SWT1: variants seen among roughly 807,000 people sequenced by gnomAD.
SWT1 encodes SWT1 RNA endoribonuclease homolog, also known as transcriptional protein SWT1.
A neutral mutation model predicts 107.3 loss-of-function variants in SWT1; 33 were observed. The ratio of observed to expected loss-of-function variants is 0.31; its 90% CI spans 0.23 to 0.41. The LOEUF is 0.41. SWT1 is among the 10% of genes least tolerant of loss of function. SWT1 has a pLI of 1.00. For missense variants in SWT1, 898 were observed against 1,028.9 expected (o/e 0.87, Z 1.74); for synonymous variants, 345 against 348.3 (o/e 0.99, Z 0.11).
chr1:185,261,656 A>G (rs1336842978), intron 16 of SWT1, among the ~76,000 whole-genome samples: 2 of 142,266 alleles, frequency 1.4e-5, no homozygotes, highest in African/African-American at 5.5e-5. Flanking sequence ...ATCCTCACCA[A>G]TGCCTGTGAT....
intron 1 of SWT1, 23 bp from the exon 2 acceptor site, chr1:185,160,810 T>A: frequency 6.4e-7 from 1 of 1,553,426 alleles, no homozygotes; most frequent in Non-Finnish European, 8.8e-7. Context: ...AAACAAATCC[T>A]ATATTTTTAA....
In SWT1 at chr1:185,187,065, TTTTTTTTA is replaced by T. The variant is rs796454038; in HGVS notation, c.1429+2135_1429+2142del. ...CCACCGCGCCCAGCTTTTTTTTTTT[TTTTTTTTA>T]AAAGAGTCTTCGTTTGTCACCCAGG... On this transcript the variant is annotated intron_variant, in intron 9 of 18. Coordinates refer to ENST00000367500, the MANE Select transcript of SWT1 (RefSeq NM_017673.7). 1.4e-3 allele frequency among the ~76,000 whole-genome samples: 207 copies of T among 149,726 alleles called. 1 individual carries two copies. Among genetic ancestry groups the T allele is most frequent in the African/African-American group, 4.9e-3 (198 of 40,658 alleles).
At chr1:185,228,177 A>G (rs1660228280) in intron 15 of SWT1, among the ~76,000 whole-genome samples, 2 of 139,526 alleles carry the variant, frequency 1.4e-5, no homozygotes, top group South Asian at 4.4e-4. Flanking sequence ...GTGTATATAT[A>G]TATATATATA....
intron 4 of SWT1, 69 bp from the exon 5 acceptor site, chr1:185,174,302 TA>T: frequency 7.9e-7 from 1 of 1,258,480 alleles, no homozygotes. Flanking sequence ...TCTGTTATTC[TA>T]ACTAAAATGA....
intron 5 of SWT1, among the ~76,000 whole-genome samples, chr1:185,178,983 GTGTT>G (rs1655802997): frequency 6.6e-6 from 1 of 152,128 alleles, no homozygotes; most frequent in South Asian, 2.1e-4. Context: ...TGTTTAAAGA[GTGTT>G]TGTGTGGGCG....
At chr1:185,274,946 C>A (rs1224037656) in intron 17 of SWT1, among the ~76,000 whole-genome samples, 2 of 152,062 alleles carry the variant, frequency 1.3e-5, no homozygotes, top group African/African-American at 4.8e-5. Context: ...AAAGTAACTC[C>A]TACTTTGTAA....
At chr1:185,273,193 T>C (rs888421974) in intron 17 of SWT1, among the ~76,000 whole-genome samples, 5 of 151,976 alleles carry the variant, frequency 3.3e-5, no homozygotes, top group African/African-American at 1.2e-4. Context: ...TCACTTGAGG[T>C]CAGGAGTTTG....
rs1401186093 is a variant in SWT1 at position 185,190,770 on chromosome 1, A to G, written c.1523+128A>G. On this transcript the variant is annotated intron_variant, in intron 10 of 18. Coordinates refer to ENST00000367500, the MANE Select transcript of SWT1 (RefSeq NM_017673.7). ...ATTTTCCAAATCTGCCAGTAAGCAT[A>G]CCCACTTGTATCTGACAGTCTTATA... 7.1e-6 allele frequency: 4 copies of G among 564,008 alleles called. No individual in the cohort carries two copies. In the African/African-American group the frequency reaches 7.5e-5, roughly 11 times the overall value. 34.9% of individuals were successfully genotyped at this position (564,008 alleles called of 1,614,324 possible). A position where few individuals can be genotyped will look rare whatever the true frequency, so the allele number is the denominator to read the frequency against.
chr1:185,167,360 C>T (rs764741624), intron 3 of SWT1, among the ~76,000 whole-genome samples: 2 of 152,184 alleles, frequency 1.3e-5, no homozygotes, highest in Non-Finnish European at 2.9e-5. Flanking sequence ...AGATTAAACA[C>T]AATACGCTAA....
At chr1:185,171,674 T>G in intron 4 of SWT1, 1 of 517,782 alleles carries the variant, frequency 1.9e-6, no homozygotes, top group South Asian at 1.4e-5. Context: ...CTTTTTTTTT[T>G]GCCCCCCTTT....
intron 16 of SWT1, among the ~76,000 whole-genome samples, chr1:185,244,063 A>T (rs2102618533): frequency 6.6e-6 from 1 of 152,028 alleles, no homozygotes; most frequent in East Asian, 1.9e-4. Context: ...AGGGAAATAC[A>T]CTCATACATC....
intron 14 of SWT1, among the ~76,000 whole-genome samples, chr1:185,219,813 G>A (rs1432424982): frequency 2.0e-5 from 3 of 151,804 alleles, no homozygotes; most frequent in Non-Finnish European, 2.9e-5. Flanking sequence ...TACTGCACTG[G>A]CCTTCCATCA....
At chr1:185,272,757 C>T (rs1261399696) in intron 17 of SWT1, among the ~76,000 whole-genome samples, 1 of 152,076 alleles carries the variant, frequency 6.6e-6, no homozygotes, top group East Asian at 1.9e-4. Flanking sequence ...TAGTCTTGGC[C>T]AGGCTTGGTG....
intron 16 of SWT1, among the ~76,000 whole-genome samples, chr1:185,257,158 G>T (rs1245320086): frequency 6.6e-6 from 1 of 152,150 alleles, no homozygotes. Flanking sequence ...CCAGCTGTGT[G>T]CTGGGAGAAC....
chr1:185,174,951 A>C lies in SWT1; in HGVS notation c.804A>C (p.Glu268Asp). Residue 268 changes from glutamate to aspartate, a missense_variant, in exon 5 of 19, where the codon GAA becomes GAC. Glu to Asp is a conservative substitution (Grantham distance 45). Around this residue, in one of 6 missense-constraint regions of SWT1, gnomAD observed 382 missense variants for 362.4 expected, o/e 1.05. Transcript: ENST00000367500. ...NNSKTKQEEREYLESSQVSLN... is the reference protein window; with the variant it reads ...NNSKTKQEERDYLESSQVSLN... ...CGAAGACTAAGCAGGAAGAAAGAGA[A>C]TACCTGGAAAGCTCCCAGGTTTCAT... 6.2e-7 allele frequency: 1 copy of C among 1,613,814 alleles called. No homozygotes were observed. The highest frequency in any genetic ancestry group is 8.5e-7 in the Non-Finnish European group (1 of 1,179,970).
At chr1:185,170,142 C>T (rs1027464949) in intron 4 of SWT1, among the ~76,000 whole-genome samples, 7 of 152,196 alleles carry the variant, frequency 4.6e-5, no homozygotes, top group Admixed American at 3.9e-4. Context: ...TTCAGCTTTG[C>T]AACTCTCAGA....
chr1:185,243,828 A>G (rs1487906910), intron 16 of SWT1, among the ~76,000 whole-genome samples: 4 of 152,148 alleles, frequency 2.6e-5, no homozygotes, highest in East Asian at 3.9e-4. Context: ...ATGTAGCTAT[A>G]TATTTTCTCC....
chr1:185,186,512 T>G (rs1656476285), intron 9 of SWT1, among the ~76,000 whole-genome samples: 1 of 152,168 alleles, frequency 6.6e-6, no homozygotes, highest in Non-Finnish European at 1.5e-5. Context: ...AATCAACCTG[T>G]ATAACATTTG....
At chr1:185,268,878 A>T (rs1344795080) in intron 16 of SWT1, among the ~76,000 whole-genome samples, 3 of 120,516 alleles carry the variant, frequency 2.5e-5, no homozygotes, top group Non-Finnish European at 3.3e-5. Context: ...TTTGAGACGG[A>T]GTGTCGCTCT....
Sources: allele counts gnomAD v4.1 joint callset (sites outside exome capture counted in the v4.1 genomes callset), GRCh38; gene constraint gnomAD v4.1.1; regional missense constraint gnomAD v4.1.1; transcripts MANE v1.5; gene names NCBI Gene and HGNC (gene_info 2026-07-23, HGNC 2026-07-21).